Variants in MARF1 observed in about 807,000 individuals in gnomAD.
The protein encoded by MARF1 is meiosis regulator and mRNA stability factor 1, also known as limkain-b1.
In MARF1, 24 loss-of-function variants were observed where a neutral mutation model predicts 168.2. That is an observed-to-expected ratio of 0.14 (90% CI 0.10 to 0.20). MARF1 has a LOEUF of 0.20. MARF1 is among the 10% of genes least tolerant of loss of function. MARF1 has a pLI of 1.00. For synonymous variants in MARF1, 868 were observed against 822.4 expected (o/e 1.06, Z -0.95); for missense variants, 1,744 against 2,143.6 (o/e 0.81, Z 3.68).
Position 15,615,824 on chromosome 16 carries a change from A to G in MARF1, c.3253+6T>C, listed in dbSNP as rs775814548. Reference sequence around the variant, plus strand: ...GTAGCTCCAGGACAAAATACCTGACACCTACCAGTGTTGGGAGGCGGGGGC... The same window carrying G: ...GTAGCTCCAGGACAAAATACCTGACGCCTACCAGTGTTGGGAGGCGGGGGC... On this transcript the variant is annotated splice_donor_region_variant and intron_variant, in intron 16 of 26. Transcript: ENST00000396368. 6.5e-7 allele frequency: 1 copy of G among 1,530,184 alleles called. No individual in the cohort carries two copies. Among genetic ancestry groups the G allele is most frequent in the African/African-American group, 1.4e-5 (1 of 72,058 alleles). 94.8% of individuals were successfully genotyped at this position (1,530,184 alleles called of 1,614,324 possible).
At chr16:15,638,987 T>C (rs2035774417) in intron 2 of MARF1, 103 bp downstream of exon 2, 2 of 1,156,454 alleles carry the variant, frequency 1.7e-6, no homozygotes, top group African/African-American at 3.1e-5. Flanking sequence ...CAGAAAAATG[T>C]GGCACAGACT....
chr16:15,642,304 C>G (rs996150803), intron 1 of MARF1, among the ~76,000 whole-genome samples: 3 of 152,110 alleles, frequency 2.0e-5, no homozygotes, highest in African/African-American at 7.2e-5. Context: ...TCCATGACAG[C>G]AGAGACTATG....
rs1014117078 is a variant in MARF1, at chr16:15,596,221, A to G, written c.*472T>C. 4.6e-5 allele frequency: 7 copies of G among 152,920 alleles called. No individual in the cohort carries two copies. The highest frequency in any genetic ancestry group is 2.6e-4 in the Admixed American group (4 of 15,298). 9.5% of individuals were successfully genotyped at this position (152,920 alleles called of 1,614,324 possible). A position where few individuals can be genotyped will look rare whatever the true frequency, so the allele number is the denominator to read the frequency against. On this transcript the variant is annotated 3_prime_UTR_variant, in exon 27 of 27. Coordinates refer to ENST00000396368, the MANE Select transcript of MARF1 (RefSeq NM_014647.4). The stretch of plus-strand genomic sequence containing the variant: ...GTGTGTGAACACACAGGCTAGCGGG[A>G]CAGGCTTTGCTTCAAAGACATGCCA...
At chr16:15,621,324 CTATT>C (rs1168710377) in intron 12 of MARF1, among the ~76,000 whole-genome samples, 1 of 152,178 alleles carries the variant, frequency 6.6e-6, no homozygotes, top group Non-Finnish European at 1.5e-5. Context: ...GGCTGAGTAT[CTATT>C]TGACACTAAG....
At position 15,602,162 on chromosome 16, in the gene MARF1, T is replaced by C; in HGVS notation, c.4455A>G (p.Thr1485=). The change falls in exon 23 of 27, where the codon ACA becomes ACG. Residue 1485 remains threonine (T), a synonymous_variant. Coordinates refer to ENST00000396368, the MANE Select transcript of MARF1 (RefSeq NM_014647.4). ...CATTCTTTGCAAACAAATACAGACT[T>C]GTGAGCTTCACACATTCTTCCATCT... is the stretch of plus-strand genomic sequence containing the variant. The part of the protein sequence containing the change: ...NDKMEECVKL[T]SLYLFAKNVR... 4 of 1,614,208 alleles carry C rather than the reference T, an allele frequency of 2.5e-6. No homozygotes were observed. The highest frequency in any genetic ancestry group is 1.7e-6 in the Non-Finnish European group (2 of 1,180,022).
rs373055067 is a variant in MARF1 at position 15,600,434 on chromosome 16, C to T, written c.4807G>A (p.Gly1603Ser). Residue 1603 changes from glycine to serine, a missense_variant, in exon 25 of 27, where the codon GGC (glycine) becomes AGC (serine). Physicochemically the swap from Gly to Ser is moderately conservative, Grantham distance 56. Around this residue, in one of 7 missense-constraint regions of MARF1, gnomAD observed 313 missense variants for 337.4 expected, o/e 0.93. Transcript: ENST00000396368. Reference protein sequence around the residue: ...TASELKLGADGSGPSHTEQEL... With the variant: ...TASELKLGADSSGPSHTEQEL... ...TCTGCTTTTCCTCTCTTACCACTGCCGTCAGCTCCAAGCTTGAGTTCCGAG... is the reference window on the plus strand; with the variant it reads ...TCTGCTTTTCCTCTCTTACCACTGCTGTCAGCTCCAAGCTTGAGTTCCGAG... 11 of 1,614,046 alleles carry T rather than the reference C, an allele frequency of 6.8e-6. No individual in the cohort carries two copies. Among genetic ancestry groups the T allele is most frequent in the Admixed American group, 1.7e-5 (1 of 60,008 alleles).
chr16:15,628,712 G>A (rs921356883), intron 7 of MARF1, among the ~76,000 whole-genome samples: 7 of 152,118 alleles, frequency 4.6e-5, no homozygotes, highest in East Asian at 3.9e-4. Flanking sequence ...CACATCACTC[G>A]GCCCACACCA....
At chr16:15,617,587 A>G in intron 13 of MARF1, 52 bp from the exon 14 acceptor site, 1 of 1,206,398 alleles carries the variant, frequency 8.3e-7, no homozygotes, top group Non-Finnish European at 1.2e-6. Flanking sequence ...CTTTGATTAT[A>G]CAGAAACACG....
chr16:15,625,930 G>A, intron 7 of MARF1, 130 bp from the exon 8 acceptor site: 1 of 675,650 alleles, frequency 1.5e-6, no homozygotes. Context: ...TGATTTAGAT[G>A]GGAGAGGGTA....
chr16:15,601,244 C>T (rs1458336868), intron 23 of MARF1: 3 of 370,764 alleles, frequency 8.1e-6, no homozygotes, highest in South Asian at 4.1e-5. Flanking sequence ...GCAAGCTTTG[C>T]CTGGGTCCTT....
Position 15,634,801 on chromosome 16 carries a change from G to A in MARF1, c.962C>T (p.Thr321Met), listed in dbSNP as rs1290251981. 4 of 1,613,822 alleles carry A rather than the reference G, an allele frequency of 2.5e-6. No individual in the cohort carries two copies. Among genetic ancestry groups the A allele is most frequent in the Non-Finnish European group, 1.7e-6 (2 of 1,179,860 alleles). Residue 321 changes from threonine to methionine, a missense_variant, in exon 4 of 27, where the codon ACG becomes ATG. Around this residue, in one of 7 missense-constraint regions of MARF1, gnomAD observed 217 missense variants for 372.4 expected, o/e 0.58. Coordinates refer to ENST00000396368, the MANE Select transcript of MARF1 (RefSeq NM_014647.4). ...GCCTAGACTGGTCGCCAATAACAAC[G>A]TGGTCTCCTTCCCTGTTCCTTTGGT... ...CGTKGTGKET[T>M]LLLATSLGKA... is the part of the protein sequence containing the mutation.
rs776949873 is a variant in MARF1 at position 15,635,916 on chromosome 16, G to A, written c.571C>T (p.Leu191=). The change falls in exon 3 of 27, where the codon CTG becomes TTG. Residue 191 remains leucine, a synonymous_variant. Transcript: ENST00000396368. The stretch of plus-strand genomic sequence containing the variant: ...AAGTGGAGTTTTCCACAACAGGGCA[G>A]GTGTTTGCAGGAAGACAGGTTACTC... The part of the protein sequence containing the change: ...LESNLSSCKH[L]PCCGKLHFQS... 2 of 1,614,112 alleles carry A rather than the reference G, an allele frequency of 1.2e-6. No homozygotes were observed. Among genetic ancestry groups the A allele is most frequent in the Non-Finnish European group, 1.7e-6 (2 of 1,180,032 alleles).
At chr16:15,628,030 G>C (rs2034994919) in intron 7 of MARF1, among the ~76,000 whole-genome samples, 1 of 152,026 alleles carries the variant, frequency 6.6e-6, no homozygotes, top group African/African-American at 2.4e-5. Flanking sequence ...TGCTGGAAAT[G>C]GTAAAAAACA....
In MARF1 at chr16:15,625,783, G is replaced by A. The variant is rs2034800018; in HGVS notation, c.1542C>T (p.Leu514=). The change falls in exon 8 of 27, where the codon CTC becomes CTT. Residue 514 remains leucine, a synonymous_variant. Transcript: ENST00000396368. ...PLKMPQCHTL[L]YVYNLPANKD... is the part of the protein sequence containing the mutation. ...TATTTGCTGGTAGGTTATAAACATA[G>A]AGCAGAGTGTGGCACTGCTAATACA... The A allele has an allele frequency of 6.2e-7, 1 of 1,613,596 alleles. No homozygotes were observed. The highest frequency in any genetic ancestry group is 1.3e-5 in the African/African-American group (1 of 75,052).
At chr16:15,613,098 T>C (rs2033716446) in intron 16 of MARF1, among the ~76,000 whole-genome samples, 1 of 152,180 alleles carries the variant, frequency 6.6e-6, no homozygotes, top group Admixed American at 6.5e-5. Flanking sequence ...ACTAGTTATA[T>C]TTCCAAGATC....
intron 4 of MARF1, among the ~76,000 whole-genome samples, chr16:15,634,140 C>A (rs2035431069): frequency 1.3e-5 from 2 of 152,140 alleles, no homozygotes; most frequent in Non-Finnish European, 2.9e-5. Context: ...AGCAGTGATG[C>A]TTCTCTGAAC....
At chr16:15,629,372 G>T (rs2035092635) in intron 7 of MARF1, among the ~76,000 whole-genome samples, 1 of 152,068 alleles carries the variant, frequency 6.6e-6, no homozygotes, top group East Asian at 1.9e-4. Flanking sequence ...AGACCGCAGG[G>T]GGCTTGTTGG....
intron 10 of MARF1, 62 bp from the exon 11 acceptor site, chr16:15,623,185 C>A: frequency 8.0e-7 from 1 of 1,245,872 alleles, no homozygotes; most frequent in Non-Finnish European, 1.1e-6. Context: ...TAGATTTTAT[C>A]ATTTAGGCTT....
Position 15,625,707 on chromosome 16 carries a change from C to T in MARF1, c.1618G>A (p.Gly540Ser). 1 of 1,614,216 alleles carries T rather than the reference C, an allele frequency of 6.2e-7. No homozygotes were observed. Among genetic ancestry groups the T allele is most frequent in the Non-Finnish European group, 8.5e-7 (1 of 1,180,038 alleles). ...CCTGTGATACTCAGCACTTTCCCAC[C>T]ACAATTATCGGACAGGCGTCTGAGC... The part of the protein sequence containing the change: ...NRLRRLSDNC[G>S]GKVLSITGCS... Residue 540 changes from glycine (G) to serine (S), a missense_variant, in exon 8 of 27, where the codon GGT becomes AGT. Coordinates refer to ENST00000396368, the MANE Select transcript of MARF1 (RefSeq NM_014647.4).
Sources: allele counts gnomAD v4.1 joint callset (sites outside exome capture counted in the v4.1 genomes callset), GRCh38; gene constraint gnomAD v4.1.1; regional missense constraint gnomAD v4.1.1; transcripts MANE v1.5; gene names NCBI Gene and HGNC (gene_info 2026-07-23, HGNC 2026-07-21).